BRD1: variants seen among roughly 807,000 people sequenced by gnomAD.
BRD1 encodes the protein bromodomain-containing protein 1.
A neutral mutation model predicts 107.7 loss-of-function variants in BRD1; 24 were observed. The ratio of observed to expected loss-of-function variants is 0.22; its 90% CI spans 0.16 to 0.31. BRD1 has a LOEUF of 0.31. Among genes scored for constraint, BRD1 ranks in the 10% least tolerant of loss-of-function variants. The probability of loss-of-function intolerance (pLI) is 1.00; values close to 1 mark genes in which losing one functional copy is unlikely to be tolerated. For missense variants in BRD1, 1,279 were observed against 1,638.6 expected, an observed-to-expected ratio of 0.78 and a Z score of 3.79; for synonymous variants, 744 against 686.1, an observed-to-expected ratio of 1.08 and a Z score of -1.32.
intron 7 of BRD1, among the ~76,000 whole-genome samples, chr22:49,789,040 G>A (rs368537896): frequency 1.3e-5 from 2 of 152,186 alleles, no homozygotes; most frequent in East Asian, 3.8e-4. Context: ...CCATGACGCC[G>A]GGCAGCAGTG....
chr22:49,825,008 G>A (rs906943429), intron 1 of BRD1, among the ~76,000 whole-genome samples: 5 of 152,090 alleles, frequency 3.3e-5, no homozygotes, highest in African/African-American at 1.2e-4. Flanking sequence ...TGGTCTGAGG[G>A]GACAGTCTTG....
chr22:49,820,439 A>G (rs2060043825), intron 2 of BRD1, among the ~76,000 whole-genome samples: 1 of 152,088 alleles, frequency 6.6e-6, no homozygotes, highest in Non-Finnish European at 1.5e-5. Flanking sequence ...CTGCACATCA[A>G]GAAGCTTCAC....
rs1373033334 is a variant in BRD1, at chr22:49,803,910, A to C, written c.1524+294T>G. Among the ~76,000 whole-genome samples the C allele has an allele frequency of 1.3e-5, 2 of 152,198 alleles. No homozygotes were observed. The highest frequency in any genetic ancestry group is 2.9e-5 in the Non-Finnish European group (2 of 68,032). ...ATCCCTGAGCATCCCCAGTCCCCAG[A>C]GCTGGCCACTGCCCATCAGCGTGTG... is the stretch of plus-strand genomic sequence containing the variant. On this transcript the variant is annotated intron_variant, in intron 3 of 12. Coordinates refer to ENST00000404760, the MANE Select transcript of BRD1 (RefSeq NM_001304808.3). The surrounding 1 kb of genome is among the most constrained non-coding windows in gnomAD (Gnocchi z 4.4).
intron 2 of BRD1, among the ~76,000 whole-genome samples, chr22:49,822,411 A>G (rs1299075436): frequency 6.6e-6 from 1 of 151,976 alleles, no homozygotes; most frequent in East Asian, 1.9e-4. Context: ...GCAACAGAGC[A>G]AAACCCTATT....
At chr22:49,825,084 A>T (rs2060132346) in intron 1 of BRD1, among the ~76,000 whole-genome samples, 1 of 152,126 alleles carries the variant, frequency 6.6e-6, no homozygotes, top group Non-Finnish European at 1.5e-5. Flanking sequence ...AAACCACCAC[A>T]GGCTGAGCCA....
At chr22:49,776,761 A>G (rs1434325942) in intron 10 of BRD1, among the ~76,000 whole-genome samples, 3 of 152,206 alleles carry the variant, frequency 2.0e-5, no homozygotes, top group Non-Finnish European at 2.9e-5. Flanking sequence ...GACAGCCTTG[A>G]CAGTGCCTGG....
intron 7 of BRD1, among the ~76,000 whole-genome samples, chr22:49,788,169 G>C (rs75225464): frequency 6.6e-6 from 1 of 152,078 alleles, no homozygotes; most frequent in African/African-American, 2.4e-5. Flanking sequence ...TATTAAACAC[G>C]TCACTCGAGT....
At chr22:49,816,598 G>A (rs960266538) in intron 2 of BRD1, among the ~76,000 whole-genome samples, 3 of 152,138 alleles carry the variant, frequency 2.0e-5, no homozygotes, top group African/African-American at 4.8e-5. Context: ...TCCAGCATTA[G>A]ACTACAGACT....
intron 2 of BRD1, among the ~76,000 whole-genome samples, chr22:49,821,829 G>C (rs1601747963): frequency 6.6e-6 from 1 of 152,184 alleles, no homozygotes; most frequent in African/African-American, 2.4e-5. Context: ...TGGTACTGGG[G>C]CTCTAGGCGT....
chr22:49,780,598 C>G (rs1004303913), intron 8 of BRD1, among the ~76,000 whole-genome samples: 15 of 152,120 alleles, frequency 9.9e-5, no homozygotes, highest in African/African-American at 3.6e-4. Context: ...CTGCAGCCAC[C>G]GCCTGGAGTC....
At chr22:49,795,691 G>A (rs2059517711) in intron 6 of BRD1, among the ~76,000 whole-genome samples, 1 of 152,256 alleles carries the variant, frequency 6.6e-6, no homozygotes, top group Admixed American at 6.5e-5. Context: ...TGAGCAGCCA[G>A]CAGCGGGCAC....
At chr22:49,816,826 C>T (rs1032008921) in intron 2 of BRD1, among the ~76,000 whole-genome samples, 2 of 152,246 alleles carry the variant, frequency 1.3e-5, no homozygotes, top group Non-Finnish European at 2.9e-5. Flanking sequence ...GCCCAAGGTG[C>T]CTACCCTGCA....
At chr22:49,814,518 G>A (rs1292230616) in intron 2 of BRD1, among the ~76,000 whole-genome samples, 1 of 152,230 alleles carries the variant, frequency 6.6e-6, no homozygotes, top group Non-Finnish European at 1.5e-5. Flanking sequence ...ATGGGCAAGG[G>A]CCACATCTGG....
At chr22:49,818,422 C>T in intron 2 of BRD1, 2 of 1,062,942 alleles carry the variant, frequency 1.9e-6, no homozygotes, top group Non-Finnish European at 1.2e-6. Context: ...TGTATTTATC[C>T]CTCATTTCAT....
chr22:49,827,224 C>G (rs2060156144), intron 1 of BRD1, among the ~76,000 whole-genome samples: 1 of 151,008 alleles, frequency 6.6e-6, no homozygotes, highest in African/African-American at 2.4e-5. Context: ...CCTCGACTCC[C>G]CGGCCTGACC....
intron 9 of BRD1, 55 bp downstream of exon 9, chr22:49,777,623 G>A (rs1707178376): frequency 9.5e-6 from 15 of 1,574,172 alleles, no homozygotes; most frequent in African/African-American, 4.0e-5. Flanking sequence ...ACAGCCAGGC[G>A]GGGCGGGCGG....
chr22:49,775,960 A>T, intron 11 of BRD1, 90 bp downstream of exon 11: 1 of 916,576 alleles, frequency 1.1e-6, no homozygotes, highest in Non-Finnish European at 1.5e-6. Context: ...ACCTCCTTGG[A>T]CCACCGCCGT....
chr22:49,803,696 A>T lies in BRD1; in HGVS notation c.1524+508T>A, dbSNP rs1601688487. Reference sequence around the variant, plus strand: ...CTCTCAGCTCTCTCGAGCCCTCCCCACCCCACCACAGTCCCAGCTAAACCA... The same window carrying T: ...CTCTCAGCTCTCTCGAGCCCTCCCCTCCCCACCACAGTCCCAGCTAAACCA... On this transcript the variant is annotated intron_variant, in intron 3 of 12. Coordinates refer to ENST00000404760, the MANE Select transcript of BRD1 (RefSeq NM_001304808.3). The surrounding 1 kb of genome is among the most constrained non-coding windows in gnomAD (Gnocchi z 4.4). Among the ~76,000 whole-genome samples the T allele has an allele frequency of 1.3e-5, 2 of 151,458 alleles. No individual in the cohort carries two copies.
At chr22:49,775,365 C>A (rs1490403816) in intron 12 of BRD1, 1 of 368,094 alleles carries the variant, frequency 2.7e-6, no homozygotes. Context: ...AGGAAGCCAT[C>A]GGGCAGAGAC....
Sources: gnomAD v4.1 joint callset for allele counts (sites outside exome capture counted in the v4.1 genomes callset) on GRCh38, gnomAD v4.1.1 for gene constraint, Gnocchi (gnomAD v3.1) non-coding constraint, MANE v1.5 for transcripts, NCBI Gene and HGNC (gene_info 2026-07-23, HGNC 2026-07-21) for gene names.